MEIKIN: variants seen among roughly 807,000 people sequenced by gnomAD.
MEIKIN encodes the protein meiosis-specific kinetochore protein.
chr5:131,909,871 T>C (rs571907353), intron 8 of MEIKIN, among the ~76,000 whole-genome samples: 2 of 152,268 alleles, frequency 1.3e-5, no homozygotes, highest in African/African-American at 4.8e-5. Flanking sequence ...TACAATGTCA[T>C]ATCATCTTAC....
intron 8 of MEIKIN, among the ~76,000 whole-genome samples, chr5:131,889,362 T>G (rs1750865164): frequency 6.6e-6 from 1 of 152,214 alleles, no homozygotes; most frequent in Non-Finnish European, 1.5e-5. Flanking sequence ...GTTCTTCCAT[T>G]TGTTTGTATC....
intron 9 of MEIKIN, among the ~76,000 whole-genome samples, chr5:131,871,544 C>T (rs931907780): frequency 6.6e-5 from 10 of 152,252 alleles, no homozygotes; most frequent in African/African-American, 9.6e-5. Context: ...GGAGGCCTGC[C>T]TGCCTCTGTA....
chr5:131,945,405 G>A lies in MEIKIN; in HGVS notation c.101C>T (p.Pro34Leu), dbSNP rs1224432833. The change falls in exon 1 of 13, where the codon CCG (proline) becomes CTG (leucine). Residue 34 changes from proline to leucine, a missense_variant. Coordinates refer to ENST00000442687, the MANE Select transcript of MEIKIN (RefSeq NM_001303622.2). ...DLGSPAKAEA[P>L]PGSKRKGKVH... ...GGCGAGCCTTGAGCCTGTACCTGGC[G>A]GGGCCTCGGCCTTCGCTGGAGAGCC... 1.3e-5 allele frequency: 5 copies of A among 399,086 alleles called. No individual in the cohort carries two copies. The highest frequency in any genetic ancestry group is 2.2e-5 in the Non-Finnish European group (5 of 226,204). 24.7% of individuals were successfully genotyped at this position (399,086 alleles called of 1,614,324 possible).
At chr5:131,834,959 T>C (rs776829758) in intron 11 of MEIKIN, among the ~76,000 whole-genome samples, 1 of 152,114 alleles carries the variant, frequency 6.6e-6, no homozygotes, top group Non-Finnish European at 1.5e-5. Flanking sequence ...GCCTATACTT[T>C]TTAATCTGTT....
At chr5:131,904,374 T>A (rs1422321518) in intron 8 of MEIKIN, among the ~76,000 whole-genome samples, 1 of 152,184 alleles carries the variant, frequency 6.6e-6, no homozygotes, top group African/African-American at 2.4e-5. Flanking sequence ...CACATTCTCC[T>A]TATATGCACA....
intron 9 of MEIKIN, among the ~76,000 whole-genome samples, chr5:131,858,309 CA>C (rs1468081888): frequency 6.6e-6 from 1 of 152,168 alleles, no homozygotes; most frequent in African/African-American, 2.4e-5. Flanking sequence ...TGATCTTCGA[CA>C]AAGCTGACAA....
chr5:131,910,874 C>A (rs1408041421), intron 8 of MEIKIN, among the ~76,000 whole-genome samples: 1 of 152,038 alleles, frequency 6.6e-6, no homozygotes, highest in East Asian at 1.9e-4. Context: ...TCTGCCCTAC[C>A]ACCAAGCTTT....
At chr5:131,823,466 T>TA (rs1166138173) in intron 11 of MEIKIN, among the ~76,000 whole-genome samples, 2 of 151,756 alleles carry the variant, frequency 1.3e-5, no homozygotes, top group Non-Finnish European at 2.9e-5. Context: ...GTTCTGCTGT[T>TA]AAGAGACTCT....
At chr5:131,851,966 A>G (rs1750121695) in intron 10 of MEIKIN, among the ~76,000 whole-genome samples, 1 of 152,230 alleles carries the variant, frequency 6.6e-6, no homozygotes, top group Non-Finnish European at 1.5e-5. Context: ...AGTTAAGACA[A>G]CTGAAAACAT....
chr5:131,878,343 G>A (rs980005705), intron 9 of MEIKIN, among the ~76,000 whole-genome samples: 3 of 152,108 alleles, frequency 2.0e-5, no homozygotes, highest in Non-Finnish European at 4.4e-5. Flanking sequence ...CGAGGCGGGC[G>A]GATCACGAGG....
chr5:131,909,922 A>G (rs892428213), intron 8 of MEIKIN, among the ~76,000 whole-genome samples: 2 of 152,162 alleles, frequency 1.3e-5, no homozygotes, highest in African/African-American at 4.8e-5. Flanking sequence ...AGGCAATAAC[A>G]TGCCGGTGAG....
chr5:131,825,678 T>C (rs1253709760), intron 11 of MEIKIN, among the ~76,000 whole-genome samples: 8 of 152,148 alleles, frequency 5.3e-5, no homozygotes, highest in Non-Finnish European at 1.0e-4. Flanking sequence ...ACCACATTGT[T>C]TGCATAAACT....
intron 8 of MEIKIN, among the ~76,000 whole-genome samples, chr5:131,893,603 C>T (rs769474868): frequency 2.0e-5 from 3 of 152,210 alleles, no homozygotes; most frequent in Admixed American, 1.3e-4. Flanking sequence ...CTGTCCTGCA[C>T]CCACTTTCCA....
intron 9 of MEIKIN, among the ~76,000 whole-genome samples, chr5:131,877,104 A>T (rs1026835675): frequency 6.6e-6 from 1 of 152,114 alleles, no homozygotes; most frequent in Non-Finnish European, 1.5e-5. Flanking sequence ...ATATGTAACA[A>T]ACCTGCACAT....
intron 7 of MEIKIN, among the ~76,000 whole-genome samples, chr5:131,913,076 C>T (rs1355095): frequency 0.86 from 131,262 of 152,182 alleles, 56,816 homozygotes; most frequent in African/African-American, 0.93. Flanking sequence ...AAATGTGGAC[C>T]CTTTTAAACT....
intron 12 of MEIKIN, 127 bp downstream of exon 12, chr5:131,818,613 T>A: frequency 2.8e-6 from 1 of 363,068 alleles, no homozygotes; most frequent in Non-Finnish European, 4.9e-6. Flanking sequence ...ATTTTACCAT[T>A]TCCACTTTCT....
chr5:131,830,478 A>G (rs1749696305), intron 11 of MEIKIN, among the ~76,000 whole-genome samples: 1 of 152,258 alleles, frequency 6.6e-6, no homozygotes, highest in Non-Finnish European at 1.5e-5. Flanking sequence ...AAAGTAAATG[A>G]AACTAGGCAA....
rs1561762815 is a variant in MEIKIN at position 131,945,155 on chromosome 5, C to T, written c.200+1G>A. ...TCGGGCTGTTACTGGAGGCTACATA[C>T]CTGAACGGCCCAGAGCCGCTACCTC... On this transcript the variant is annotated splice_donor_variant, in intron 2 of 12. Transcript: ENST00000442687. LOFTEE classifies it high-confidence loss of function. 2.5e-6 allele frequency: 1 copy of T among 399,168 alleles called. No homozygotes were observed. Among genetic ancestry groups the T allele is most frequent in the Non-Finnish European group, 4.4e-6 (1 of 226,124 alleles). 24.7% of individuals were successfully genotyped at this position (399,168 alleles called of 1,614,324 possible). A position where few individuals can be genotyped will look rare whatever the true frequency, so the allele number is the denominator to read the frequency against.
At chr5:131,887,726 A>G (rs1444060818) in intron 8 of MEIKIN, among the ~76,000 whole-genome samples, 3 of 150,258 alleles carry the variant, frequency 2.0e-5, no homozygotes, top group Non-Finnish European at 3.0e-5. Context: ...TTATTATTAT[A>G]CTTTAAGTTT....
Sources: allele counts gnomAD v4.1 joint callset (sites outside exome capture counted in the v4.1 genomes callset), GRCh38; gene constraint gnomAD v4.1.1; transcripts MANE v1.5; gene names NCBI Gene and HGNC (gene_info 2026-07-23, HGNC 2026-07-21).